MSH4: variants seen among roughly 807,000 people sequenced by gnomAD.
The protein encoded by MSH4 is mutS homolog 4.
In MSH4, 106 loss-of-function variants were observed where a neutral mutation model predicts 113.7. The ratio of observed to expected loss-of-function variants is 0.93; its 90% confidence interval spans 0.80 to 1.10. MSH4 has a LOEUF of 1.10. Ranked by LOEUF, MSH4 falls within the 50% of genes least tolerant of loss-of-function variation. The pLI, the probability that MSH4 is intolerant of heterozygous loss-of-function variation, is 0.00. For synonymous variants in MSH4, 368 were observed against 380.2 expected (o/e 0.97, Z 0.37); for missense variants, 1,061 against 1,093.7 (o/e 0.97, Z 0.42).
chr1:75,877,087 A>T (rs5745441), intron 10 of MSH4, 87 bp downstream of exon 10: 33 of 819,168 alleles, frequency 4.0e-5, no homozygotes, highest in East Asian at 3.7e-4. Flanking sequence ...ATTGTATTCT[A>T]TGGAACAATT....
intron 8 of MSH4, among the ~76,000 whole-genome samples, chr1:75,853,635 G>A (rs980215771): frequency 2.2e-4 from 34 of 152,012 alleles, no homozygotes; most frequent in African/African-American, 8.0e-4. Context: ...TTCAATTTAT[G>A]TATGTATGTA....
At chr1:75,805,322 A>T (rs904961263) in intron 2 of MSH4, among the ~76,000 whole-genome samples, 5 of 151,896 alleles carry the variant, frequency 3.3e-5, no homozygotes, top group Non-Finnish European at 5.9e-5. Flanking sequence ...ACACCCTTAG[A>T]AGTCAAATTA....
intron 8 of MSH4, among the ~76,000 whole-genome samples, chr1:75,859,248 G>C (rs1269445711): frequency 1.3e-5 from 2 of 152,018 alleles, no homozygotes; most frequent in African/African-American, 2.4e-5. Context: ...AGGGTTTTTT[G>C]TGTCTCTATT....
chr1:75,899,344 T>A (rs910530934), intron 18 of MSH4, among the ~76,000 whole-genome samples: 1 of 152,194 alleles, frequency 6.6e-6, no homozygotes, highest in African/African-American at 2.4e-5. Flanking sequence ...ATTTTCTAAC[T>A]ATCTCTTTTG....
intron 8 of MSH4, among the ~76,000 whole-genome samples, chr1:75,860,479 C>A (rs975184284): frequency 1.3e-5 from 2 of 152,190 alleles, no homozygotes; most frequent in Non-Finnish European, 2.9e-5. Context: ...AATCTCTCAG[C>A]ATTTGCTTCT....
At chr1:75,860,715 T>G (rs1570972727) in intron 8 of MSH4, among the ~76,000 whole-genome samples, 2 of 152,224 alleles carry the variant, frequency 1.3e-5, no homozygotes, top group African/African-American at 4.8e-5. Flanking sequence ...CATTTCAACC[T>G]TGGTGAATCT....
intron 9 of MSH4, among the ~76,000 whole-genome samples, chr1:75,868,626 C>T (rs188897416): frequency 1.8e-4 from 27 of 152,286 alleles, no homozygotes; most frequent in Admixed American, 1.0e-3. Context: ...TTGTAAGAAT[C>T]CCCACATTTC....
chr1:75,828,966 G>C (rs979662396), intron 7 of MSH4, among the ~76,000 whole-genome samples: 1 of 152,062 alleles, frequency 6.6e-6, no homozygotes, highest in Non-Finnish European at 1.5e-5. Flanking sequence ...AGTGGGTACA[G>C]CCCATGGAGC....
chr1:75,829,833 G>A (rs1284609038), intron 7 of MSH4, among the ~76,000 whole-genome samples: 2 of 152,138 alleles, frequency 1.3e-5, no homozygotes, highest in African/African-American at 2.4e-5. Flanking sequence ...CAAAGATGGG[G>A]AGAAACCAGA....
At chr1:75,902,733 A>ATATATATG (rs1465500851) in intron 19 of MSH4, among the ~76,000 whole-genome samples, 19 of 93,074 alleles carry the variant, frequency 2.0e-4, no homozygotes, top group African/African-American at 3.5e-4. Context: ...ATATATATAT[A>ATATATATG]TAGTTCTTTT....
intron 3 of MSH4, among the ~76,000 whole-genome samples, chr1:75,807,889 G>A (rs1650102608): frequency 6.6e-6 from 1 of 152,146 alleles, no homozygotes; most frequent in African/African-American, 2.4e-5. Flanking sequence ...AGGGCCCAGA[G>A]AGAGCAAATA....
At chr1:75,891,238 G>T (rs1023049892) in intron 17 of MSH4, among the ~76,000 whole-genome samples, 2 of 152,034 alleles carry the variant, frequency 1.3e-5, no homozygotes, top group African/African-American at 2.4e-5. Context: ...TTCCTTTAAA[G>T]AAAGTAGTTT....
Position 75,803,868 on chromosome 1 carries a change from C to A in MSH4, c.382C>A (p.Gln128Lys). ...LKTPLSTGNPQRSGYKSWTPQ... is the reference protein window; with the variant it reads ...LKTPLSTGNPKRSGYKSWTPQ... ...AACTCCATTGTCTACTGGAAATCCT[C>A]AGAGATCAGGTTATAAGAGCTGGAC... Residue 128 changes from glutamine (Q) to lysine (K), a missense_variant, in exon 2 of 20, where the codon CAG (glutamine) becomes AAG (lysine). Coordinates refer to ENST00000263187, the MANE Select transcript of MSH4 (RefSeq NM_002440.4). 6.3e-7 allele frequency: 1 copy of A among 1,598,132 alleles called. No individual in the cohort carries two copies. Among genetic ancestry groups the A allele is most frequent in the Admixed American group, 1.7e-5 (1 of 57,180 alleles).
At chr1:75,834,104 CA>C (rs1173818690) in intron 7 of MSH4, among the ~76,000 whole-genome samples, 1 of 152,168 alleles carries the variant, frequency 6.6e-6, no homozygotes, top group Non-Finnish European at 1.5e-5. Flanking sequence ...TCAACCCCAT[CA>C]AAAAGTGGGC....
intron 9 of MSH4, among the ~76,000 whole-genome samples, chr1:75,871,025 G>A (rs991745777): frequency 6.6e-6 from 1 of 152,158 alleles, no homozygotes; most frequent in African/African-American, 2.4e-5. Context: ...ACCAAAGACT[G>A]GGAAATTCAT....
rs5745506 is a variant in MSH4 at position 75,890,734 on chromosome 1, C to T, written c.2265C>T (p.Leu755=). Residue 755 remains leucine (L), a synonymous_variant, in exon 17 of 20, where the codon CTC becomes CTT. Coordinates refer to ENST00000263187, the MANE Select transcript of MSH4 (RefSeq NM_002440.4). ...TACATAATGCTAATGACAAATCGCTCATATTAATTGATGAACTTGGCAGAG... is the reference window on the plus strand; with the variant it reads ...TACATAATGCTAATGACAAATCGCTTATATTAATTGATGAACTTGGCAGAG... ...YILHNANDKS[L]ILIDELGRGT... 4.9e-5 allele frequency: 78 copies of T among 1,605,852 alleles called. No individual in the cohort carries two copies. The highest frequency in any genetic ancestry group is 6.4e-5 in the Non-Finnish European group (75 of 1,175,590).
At chr1:75,834,590 C>T (rs1228502437) in intron 7 of MSH4, among the ~76,000 whole-genome samples, 2 of 152,218 alleles carry the variant, frequency 1.3e-5, no homozygotes, top group Non-Finnish European at 2.9e-5. Context: ...CCATGGACTA[C>T]TATGCAGCCA....
At position 75,879,088 on chromosome 1, in the gene MSH4, T is replaced by A; in HGVS notation, c.1637T>A (p.Ile546Lys). The A allele has an allele frequency of 6.2e-7, 1 of 1,611,666 alleles. No individual in the cohort carries two copies. The highest frequency in any genetic ancestry group is 8.5e-7 in the Non-Finnish European group (1 of 1,178,030). ...GFFIQMTTDC[I>K]ALPSDQLPSE... The stretch of plus-strand genomic sequence containing the variant: ...TTCATCCAGATGACTACAGATTGTA[T>A]AGCCCTACCTAGTGATCAACTTCCT... The change falls in exon 12 of 20, where the codon ATA becomes AAA. Residue 546 changes from isoleucine (I) to lysine (K), a missense_variant. By Grantham distance (102) the Ile-to-Lys change is moderately radical. Transcript: ENST00000263187.
chr1:75,807,230 G>A, intron 3 of MSH4, 89 bp downstream of exon 3: 2 of 1,098,564 alleles, frequency 1.8e-6, no homozygotes, highest in Non-Finnish European at 1.2e-6. Context: ...TTTACTTTTT[G>A]GTAGAATAAA....
Sources: gnomAD v4.1 joint callset for allele counts (sites outside exome capture counted in the v4.1 genomes callset) on GRCh38, gnomAD v4.1.1 for gene constraint, MANE v1.5 for transcripts, NCBI Gene and HGNC (gene_info 2026-07-23, HGNC 2026-07-21) for gene names.